Variants in GRID1 observed in about 807,000 individuals in gnomAD.
GRID1 encodes glutamate receptor ionotropic, delta-1.
Under a neutral mutation model 98.0 loss-of-function variants are expected in GRID1, and 28 were observed. That is an observed-to-expected ratio of 0.29 (90% CI 0.21 to 0.39). GRID1 has a LOEUF of 0.39. Ranked by LOEUF, GRID1 falls within the 10% of genes least tolerant of loss-of-function variation. The probability of loss-of-function intolerance (pLI) is 1.00; values close to 1 mark genes in which losing one functional copy is unlikely to be tolerated. For synonymous variants in GRID1, 553 were observed against 538.5 expected (o/e 1.03, Z -0.37); for missense variants, 1,111 against 1,340.5 (o/e 0.83, Z 2.67).
At chr10:86,274,862 G>A (rs1408588858) in intron 2 of GRID1, among the ~76,000 whole-genome samples, 1 of 151,636 alleles carries the variant, frequency 6.6e-6, no homozygotes, top group African/African-American at 2.4e-5. Context: ...TGCAAACAGG[G>A]ACAATTTGAC....
chr10:85,922,130 A>C (rs1247620803), intron 4 of GRID1, among the ~76,000 whole-genome samples: 5 of 152,212 alleles, frequency 3.3e-5, no homozygotes, highest in African/African-American at 1.2e-4. Flanking sequence ...TGAAAGCCCC[A>C]GATAACTGTC....
chr10:86,072,466 A>G (rs1296057533), intron 4 of GRID1, among the ~76,000 whole-genome samples: 6 of 152,230 alleles, frequency 3.9e-5, no homozygotes, highest in African/African-American at 1.4e-4. Context: ...AGAGGAGTCC[A>G]TAACTACTCT....
intron 2 of GRID1, among the ~76,000 whole-genome samples, chr10:86,333,928 T>C (rs776849983): frequency 3.9e-5 from 6 of 152,140 alleles, no homozygotes; most frequent in Non-Finnish European, 8.8e-5. Context: ...TTCAAACCAA[T>C]GCTGTTTAAG....
intron 3 of GRID1, among the ~76,000 whole-genome samples, chr10:86,167,658 CA>C (rs1845419720): frequency 6.6e-6 from 1 of 152,330 alleles, no homozygotes; most frequent in Admixed American, 6.5e-5. Flanking sequence ...AGCTGTTTTA[CA>C]GATGAGGAAA....
intron 4 of GRID1, among the ~76,000 whole-genome samples, chr10:86,031,058 G>A (rs1843179306): frequency 6.6e-6 from 1 of 152,080 alleles, no homozygotes; most frequent in African/African-American, 2.4e-5. Context: ...ATAAAATCTG[G>A]CACATTTGCC....
intron 4 of GRID1, among the ~76,000 whole-genome samples, chr10:85,981,008 G>A (rs377539702): frequency 1.6e-4 from 24 of 152,184 alleles, no homozygotes; most frequent in African/African-American, 4.1e-4. Context: ...CAGGTGAGCC[G>A]TAGCTTGGAC....
chr10:86,069,642 C>T (rs1032383223), intron 4 of GRID1, among the ~76,000 whole-genome samples: 14 of 152,064 alleles, frequency 9.2e-5, no homozygotes, highest in African/African-American at 2.7e-4. Context: ...AGTGAGACTC[C>T]GTCTCTAAAT....
chr10:85,648,740 C>T (rs944623118), intron 12 of GRID1, among the ~76,000 whole-genome samples: 17 of 152,186 alleles, frequency 1.1e-4, no homozygotes, highest in Non-Finnish European at 2.4e-4. Context: ...TCTACAAGCC[C>T]GTTGAAAATC....
intron 8 of GRID1, among the ~76,000 whole-genome samples, chr10:85,841,923 T>C (rs7097863): frequency 0.34 from 51,006 of 151,868 alleles, 9,260 homozygotes; most frequent in African/African-American, 0.46. Flanking sequence ...GTAGCAATTC[T>C]TCAAAGACTT....
intron 8 of GRID1, among the ~76,000 whole-genome samples, chr10:85,808,820 C>G (rs940697281): frequency 6.6e-6 from 1 of 151,790 alleles, no homozygotes; most frequent in Non-Finnish European, 1.5e-5. Context: ...GTCCAGGAAA[C>G]GTAAAAATGT....
At chr10:86,152,806 C>T (rs1845188248) in intron 3 of GRID1, among the ~76,000 whole-genome samples, 1 of 152,228 alleles carries the variant, frequency 6.6e-6, no homozygotes, top group Non-Finnish European at 1.5e-5. Context: ...CCCATCCTCT[C>T]CAGTGCGGCT....
At chr10:86,224,830 C>G (rs1846314694) in intron 2 of GRID1, among the ~76,000 whole-genome samples, 1 of 152,188 alleles carries the variant, frequency 6.6e-6, no homozygotes, top group South Asian at 2.1e-4. Context: ...TGCCCCTTCC[C>G]CCAGGAAGCC....
chr10:86,271,812 T>C (rs1847188967), intron 2 of GRID1, among the ~76,000 whole-genome samples: 1 of 152,156 alleles, frequency 6.6e-6, no homozygotes, highest in South Asian at 2.1e-4. Context: ...CTAACATATG[T>C]GTAACTGGAG....
chr10:85,654,515 C>G (rs973206425), intron 12 of GRID1, among the ~76,000 whole-genome samples: 1 of 152,170 alleles, frequency 6.6e-6, no homozygotes, highest in Non-Finnish European at 1.5e-5. Context: ...AGTTCTGGGC[C>G]TTGGGAACTG....
intron 2 of GRID1, among the ~76,000 whole-genome samples, chr10:86,318,965 A>G (rs1299023907): frequency 6.6e-6 from 1 of 152,130 alleles, no homozygotes; most frequent in Non-Finnish European, 1.5e-5. Context: ...GGGGCTTGTC[A>G]TGGGTTTTAA....
chr10:86,337,041 C>T (rs1047470012), intron 2 of GRID1, among the ~76,000 whole-genome samples: 3 of 151,556 alleles, frequency 2.0e-5, no homozygotes, highest in African/African-American at 4.8e-5. Context: ...TTAGTAGAGG[C>T]GGGGTTTCAC....
intron 3 of GRID1, among the ~76,000 whole-genome samples, chr10:86,199,784 T>C (rs984500160): frequency 7.2e-5 from 11 of 152,136 alleles, no homozygotes; most frequent in Admixed American, 7.2e-4. Flanking sequence ...TCATCATTCC[T>C]GAGAATGTGT....
chr10:85,800,879 C>A (rs1335570665), intron 8 of GRID1, among the ~76,000 whole-genome samples: 1 of 151,964 alleles, frequency 6.6e-6, no homozygotes, highest in Non-Finnish European at 1.5e-5. Flanking sequence ...CACAGAACCA[C>A]ACAGCTAGTA....
intron 4 of GRID1, among the ~76,000 whole-genome samples, chr10:85,917,148 A>G (rs1841632022): frequency 2.6e-5 from 4 of 152,186 alleles, no homozygotes. Context: ...ATGGTTTCCA[A>G]GCATGTCCTG....
Sources: allele counts gnomAD v4.1 joint callset (sites outside exome capture counted in the v4.1 genomes callset), GRCh38; gene constraint gnomAD v4.1.1; transcripts MANE v1.5; gene names NCBI Gene and HGNC (gene_info 2026-07-23, HGNC 2026-07-21).